The following FKBP1B variants were observed in gnomAD, a reference collection of about 807,000 sequenced individuals.
FKBP1B encodes the protein FKBP prolyl isomerase 1B, also known as peptidyl-prolyl cis-trans isomerase FKBP1B.
A neutral mutation model predicts 13.5 loss-of-function variants in FKBP1B; 4 were observed. The ratio of observed to expected loss-of-function variants is 0.30; its 90% confidence interval spans 0.15 to 0.68. FKBP1B has a LOEUF of 0.68. Ranked by LOEUF, FKBP1B falls within the 30% of genes least tolerant of loss-of-function variation. FKBP1B has a pLI of 0.76. For synonymous variants in FKBP1B, 54 were observed against 53.6 expected (o/e 1.01, Z -0.03); for missense variants, 93 against 136.2 (o/e 0.68, Z 1.58).
chr2:24,048,441 A>G (rs997248107), upstream of FKBP1B, among the ~76,000 whole-genome samples: 3 of 147,172 alleles, frequency 2.0e-5, no homozygotes, highest in African/African-American at 5.1e-5. Flanking sequence ...ACTGCACTCC[A>G]TCCTGGCGAC....
chr2:24,038,667 A>G, the FKBP1B span: 1 of 1,614,266 alleles, frequency 6.2e-7, no homozygotes, highest in Admixed American at 1.7e-5. Context: ...AATAGGAAGA[A>G]GAAACTGATA....
At chr2:24,062,060 C>A (rs1248227249) in intron 3 of FKBP1B, among the ~76,000 whole-genome samples, 3 of 152,028 alleles carry the variant, frequency 2.0e-5, no homozygotes, top group Admixed American at 6.6e-5. Context: ...TTAGTAGAGA[C>A]GGGGTTTCAC....
intron 2 of FKBP1B, among the ~76,000 whole-genome samples, chr2:24,060,157 A>T (rs759894373): frequency 1.3e-5 from 2 of 152,148 alleles, no homozygotes; most frequent in Non-Finnish European, 2.9e-5. Context: ...TGCCAAGTGG[A>T]CAATGAAATG....
the FKBP1B span, among the ~76,000 whole-genome samples, chr2:24,043,226 C>T: frequency 6.6e-6 from 1 of 152,130 alleles, no homozygotes; most frequent in East Asian, 1.9e-4. Flanking sequence ...ATCCCAGCTA[C>T]TTGGGAGGCT....
chr2:24,054,804 G>C (rs951557736), intron 2 of FKBP1B, among the ~76,000 whole-genome samples: 1 of 152,116 alleles, frequency 6.6e-6, no homozygotes, highest in Non-Finnish European at 1.5e-5. Flanking sequence ...GGGTCGTCTG[G>C]GGCCTCTGAC....
the FKBP1B span, chr2:24,037,638 C>A: frequency 6.4e-7 from 1 of 1,551,130 alleles, no homozygotes; most frequent in African/African-American, 1.4e-5. Flanking sequence ...GCTGCAGGAG[C>A]TTTTATGTAT....
chr2:24,057,559 G>A (rs1317603448), intron 2 of FKBP1B, among the ~76,000 whole-genome samples: 6 of 152,236 alleles, frequency 3.9e-5, no homozygotes, highest in Admixed American at 2.6e-4. Context: ...TTTTAGTAGA[G>A]ACTGGGTTTC....
intron 1 of FKBP1B, among the ~76,000 whole-genome samples, chr2:24,053,677 G>C (rs1194761928): frequency 6.6e-5 from 10 of 151,918 alleles, no homozygotes; most frequent in Non-Finnish European, 5.9e-5. Context: ...GAAAGCCCAG[G>C]AGACAGCAGA....
upstream of FKBP1B, among the ~76,000 whole-genome samples, chr2:24,045,631 G>GAGGAAGGAAGGA (rs4041250): frequency 1.3e-4 from 14 of 106,144 alleles, no homozygotes; most frequent in Non-Finnish European, 2.0e-4. Context: ...GAGAGAGAGA[G>GAGGAAGGAAGGA]AGGAAGGAAG....
chr2:24,049,151 G>A (rs1037384417), upstream of FKBP1B, among the ~76,000 whole-genome samples: 1 of 152,024 alleles, frequency 6.6e-6, no homozygotes, highest in African/African-American at 2.4e-5. Flanking sequence ...TTAAAGTGAT[G>A]GTTTCATTAG....
Position 24,063,060 on chromosome 2 carries a change from C to T in FKBP1B, c.199-4C>T, listed in dbSNP as rs1664471811. ...CTCTCCCCATCTGCCCCCATCCCTG[C>T]TAGATGAGCTTGGGGCAGAGGGCGA... On this transcript the variant is annotated splice_polypyrimidine_tract_variant and splice_region_variant and intron_variant, in intron 3 of 3. Transcript: ENST00000380986. 6.2e-7 allele frequency: 1 copy of T among 1,614,222 alleles called. No homozygotes were observed. Among genetic ancestry groups the T allele is most frequent in the East Asian group, 2.2e-5 (1 of 44,880 alleles).
At chr2:24,047,518 G>A (rs1451283383), upstream of FKBP1B, among the ~76,000 whole-genome samples, 1 of 152,054 alleles carries the variant, frequency 6.6e-6, no homozygotes, top group Non-Finnish European at 1.5e-5. Context: ...ATTGGCTTTT[G>A]AATATGCACA....
At chr2:24,049,572 G>A, upstream of FKBP1B, 1 of 340,142 alleles carries the variant, frequency 2.9e-6, no homozygotes. Context: ...CTGGTCAGTG[G>A]GTTAATGTCG....
At chr2:24,054,240 G>A (rs1198834485) in intron 2 of FKBP1B, 5 of 598,878 alleles carry the variant, frequency 8.3e-6, no homozygotes, top group Non-Finnish European at 1.5e-5. Flanking sequence ...AGGTATGGTG[G>A]AGCCCCTGTC....
chr2:24,045,774 A>C (rs981611830), upstream of FKBP1B: 2 of 152,014 alleles, frequency 1.3e-5, no homozygotes, highest in Admixed American at 6.6e-5. Context: ...GTATTTCAAG[A>C]CCAGCCTAGG....
the FKBP1B span, among the ~76,000 whole-genome samples, chr2:24,035,563 A>G: frequency 6.6e-6 from 1 of 152,140 alleles, no homozygotes; most frequent in Non-Finnish European, 1.5e-5. Flanking sequence ...TTAAAAAGTC[A>G]TAGTAGGAAA....
upstream of FKBP1B, among the ~76,000 whole-genome samples, chr2:24,046,358 C>T (rs1388864706): frequency 6.6e-6 from 1 of 152,170 alleles, no homozygotes; most frequent in East Asian, 1.9e-4. Flanking sequence ...CCCAACGCTA[C>T]TGATTTTGCC....
At chr2:24,055,834 A>T (rs1664098547) in intron 2 of FKBP1B, among the ~76,000 whole-genome samples, 1 of 152,136 alleles carries the variant, frequency 6.6e-6, no homozygotes, top group Admixed American at 6.5e-5. Context: ...TGTTGGGTAT[A>T]TACCTGGAAG....
chr2:24,054,020 T>C lies in FKBP1B; in HGVS notation c.85+71T>C, dbSNP rs1185037919. ...GGCAGGGCTGTCCTCTGAGCTTCTC[T>C]CCAGAGGTGCCTGCCTCTGGATCAG... On this transcript the variant is annotated intron_variant, in intron 2 of 3. Coordinates refer to ENST00000380986, the MANE Select transcript of FKBP1B (RefSeq NM_004116.5). The C allele has an allele frequency of 2.1e-6, 3 of 1,452,528 alleles. No individual in the cohort carries two copies. The East Asian group carries it at 6.8e-5, about 33-fold the overall frequency. The allele number at this position is 1,452,528 out of a possible 1,614,324, so 90.0% of individuals were successfully genotyped here. A position where few individuals can be genotyped will look rare whatever the true frequency, so the allele number is the denominator to read the frequency against.
Sources: allele counts gnomAD v4.1 joint callset (sites outside exome capture counted in the v4.1 genomes callset), GRCh38; gene constraint gnomAD v4.1.1; transcripts MANE v1.5; gene names NCBI Gene and HGNC (gene_info 2026-07-23, HGNC 2026-07-21).